Variants in FHAD1 observed in about 807,000 individuals in gnomAD.
The protein encoded by FHAD1 is forkhead-associated domain-containing protein 1.
A neutral mutation model predicts 191.3 loss-of-function variants in FHAD1; 146 were observed. That is an observed-to-expected ratio of 0.76 (90% CI 0.67 to 0.88). FHAD1 has a LOEUF of 0.88. Ranked by LOEUF, FHAD1 falls within the 40% of genes least tolerant of loss-of-function variation. The pLI, the probability that FHAD1 is intolerant of heterozygous loss-of-function variation, is 0.00. For synonymous variants in FHAD1, 616 were observed against 672.3 expected (o/e 0.92, Z 1.29); for missense variants, 1,635 against 1,785.8 (o/e 0.92, Z 1.52).
intron 2 of FHAD1, among the ~76,000 whole-genome samples, chr1:15,256,716 C>T (rs984260820): frequency 2.0e-5 from 3 of 151,494 alleles, no homozygotes; most frequent in Admixed American, 1.3e-4. Context: ...CCCTGCCCTG[C>T]CCTACACCGA....
chr1:15,370,978 G>A (rs535481809), intron 26 of FHAD1, among the ~76,000 whole-genome samples: 35 of 152,308 alleles, frequency 2.3e-4, no homozygotes, highest in Admixed American at 2.0e-3. Flanking sequence ...GAAAGGGCTC[G>A]AGGTCCAGCC....
At chr1:15,389,186 C>T (rs543049736) in intron 32 of FHAD1, among the ~76,000 whole-genome samples, 2 of 152,250 alleles carry the variant, frequency 1.3e-5, no homozygotes, top group Admixed American at 1.3e-4. Flanking sequence ...ACTGGTACGC[C>T]TGTAATCCCA....
chr1:15,341,131 A>C (rs1326607407), intron 15 of FHAD1, among the ~76,000 whole-genome samples: 1 of 152,168 alleles, frequency 6.6e-6, no homozygotes, highest in Non-Finnish European at 1.5e-5. Flanking sequence ...GCGGGGAACC[A>C]AGATTGTGCC....
In FHAD1 at chr1:15,343,573, T is replaced by C. The variant is rs191655521; in HGVS notation, c.2131-1510T>C. Among the ~76,000 whole-genome samples, 3 of 152,304 alleles carry C rather than the reference T, an allele frequency of 2.0e-5. No homozygotes were observed. The East Asian group carries it at 5.8e-4, about 29-fold the overall frequency. On this transcript the variant is annotated intron_variant, in intron 16 of 33. Transcript: ENST00000688493. ...CAAAACATCAGTCTCCTCCTCCTTC[T>C]TCTCTTTGCCTCTTTCTCTGCTTTT...
intron 3 of FHAD1, among the ~76,000 whole-genome samples, chr1:15,274,426 G>A (rs140230409): frequency 2.6e-3 from 394 of 152,146 alleles, no homozygotes; most frequent in African/African-American, 9.0e-3. Flanking sequence ...TGGGCAACAC[G>A]GTGAAACCCC....
intron 22 of FHAD1, among the ~76,000 whole-genome samples, chr1:15,362,319 G>T (rs1695061319): frequency 6.6e-6 from 1 of 152,242 alleles, no homozygotes. Flanking sequence ...GAGACAGGCA[G>T]GCGGTGGGAC....
intron 2 of FHAD1, among the ~76,000 whole-genome samples, chr1:15,253,586 A>T (rs1447889644): frequency 1.3e-5 from 2 of 152,140 alleles, no homozygotes; most frequent in African/African-American, 4.8e-5. Context: ...TGTGATGGTA[A>T]ATGGTATTAT....
intron 23 of FHAD1, 22 bp downstream of exon 23, chr1:15,362,748 A>G: frequency 6.5e-7 from 1 of 1,538,398 alleles, no homozygotes; most frequent in Admixed American, 2.0e-5. Flanking sequence ...TGGGTGTGTG[A>G]GCGCCAGGCA....
Position 15,375,696 on chromosome 1 carries a change from A to G in FHAD1, c.3671A>G (p.Asp1224Gly), listed in dbSNP as rs1355546723. 1 of 1,546,696 alleles carries G rather than the reference A, an allele frequency of 6.5e-7. No homozygotes were observed. Among genetic ancestry groups the G allele is most frequent in the Admixed American group, 2.0e-5 (1 of 49,586 alleles). Residue 1224 changes from aspartate (D) to glycine (G), a missense_variant, in exon 28 of 34, where the codon GAT (aspartate) becomes GGT (glycine). Transcript: ENST00000688493. ...VQKILLDAKP[D>G]LPTLSRIEIL... is the part of the protein sequence containing the mutation. Reference sequence around the variant, plus strand: ...AAAATACTACTGGATGCAAAACCGGATTTGCCAACTCTCTCAAGAATAGAG... The same window carrying G: ...AAAATACTACTGGATGCAAAACCGGGTTTGCCAACTCTCTCAAGAATAGAG...
Position 15,276,438 on chromosome 1 carries a change from T to C in FHAD1, c.300+3909T>C, listed in dbSNP as rs868633581. On this transcript the variant is annotated intron_variant, in intron 3 of 33. Transcript: ENST00000688493. This position sits in a 1 kb window ranked among gnomAD's most constrained non-coding sequence, Gnocchi z 4.7. ...AGAAAAACAGAAAGAAACTCTTGGT[T>C]TACAAAGTACATTGGCACCCACGAT... 1.3e-5 allele frequency among the ~76,000 whole-genome samples: 2 copies of C among 152,190 alleles called. No homozygotes were observed. Among genetic ancestry groups the C allele is most frequent in the Non-Finnish European group, 2.9e-5 (2 of 68,034 alleles).
intron 5 of FHAD1, among the ~76,000 whole-genome samples, chr1:15,299,015 A>T (rs1002636890): frequency 5.1e-5 from 7 of 137,092 alleles, no homozygotes; most frequent in African/African-American, 2.0e-4. Context: ...CAAAAAAAAA[A>T]ACAAAAACAA....
At chr1:15,324,939 A>G (rs541362327) in intron 11 of FHAD1, 201 of 272,262 alleles carry the variant, frequency 7.4e-4, no homozygotes, top group African/African-American at 4.1e-3. Flanking sequence ...CCCAGCAGAC[A>G]TTACAGACAG....
At chr1:15,245,117 G>A (rs1780595), upstream of FHAD1, among the ~76,000 whole-genome samples, 60,012 of 151,962 alleles carry the variant, frequency 0.39, 12,307 homozygotes, top group East Asian at 0.58. Context: ...GCACCCTACA[G>A]GAACAGCACC....
chr1:15,255,511 C>T (rs1412085935), intron 2 of FHAD1, among the ~76,000 whole-genome samples: 1 of 152,074 alleles, frequency 6.6e-6, no homozygotes, highest in Non-Finnish European at 1.5e-5. Context: ...CTGTTTTAGC[C>T]AGCCTGGTTT....
In FHAD1 at chr1:15,311,349, G is replaced by A. The variant is rs1004184834; in HGVS notation, c.1040-1708G>A. Among the ~76,000 whole-genome samples the A allele has an allele frequency of 6.6e-5, 10 of 152,216 alleles. No individual in the cohort carries two copies. The highest frequency in any genetic ancestry group is 7.4e-5 in the Non-Finnish European group (5 of 68,024). ...TGTGGGCAGGGAAGGAACCACCCAG[G>A]AGGAGCAGAGGGAACCATCTCGAAG... On this transcript the variant is annotated intron_variant, in intron 7 of 33. Transcript: ENST00000688493. This position sits in a 1 kb window ranked among gnomAD's most constrained non-coding sequence, Gnocchi z 4.1.
chr1:15,242,231 TA>T (rs36173259), upstream of FHAD1, among the ~76,000 whole-genome samples: 38,319 of 122,044 alleles, frequency 0.31, 5,980 homozygotes, highest in East Asian at 0.66. Context: ...AGACTCCATC[TA>T]AAAAAAAAAA....
intron 8 of FHAD1, chr1:15,315,099 C>G (rs926566270): frequency 2.6e-5 from 4 of 151,994 alleles, no homozygotes; most frequent in African/African-American, 9.7e-5. Context: ...GTGGGCTCCT[C>G]GTGACCAAGG....
At chr1:15,374,741 T>C (rs2102890451) in intron 27 of FHAD1, 110 bp downstream of exon 27, 2 of 1,389,342 alleles carry the variant, frequency 1.4e-6, no homozygotes, top group Non-Finnish European at 2.0e-6. Context: ...TCCCAGAACT[T>C]GGAGGACATT....
At chr1:15,336,799 C>T (rs1228931030) in intron 14 of FHAD1, among the ~76,000 whole-genome samples, 1 of 152,144 alleles carries the variant, frequency 6.6e-6, no homozygotes, top group Non-Finnish European at 1.5e-5. Context: ...CCACCACCCT[C>T]TCGGGGACTG....
Sources: allele counts gnomAD v4.1 joint callset (sites outside exome capture counted in the v4.1 genomes callset), GRCh38; gene constraint gnomAD v4.1.1; non-coding constraint Gnocchi (gnomAD v3.1); transcripts MANE v1.5; gene names NCBI Gene and HGNC (gene_info 2026-07-23, HGNC 2026-07-21).